The following NBAS variants were observed in gnomAD, a reference collection of about 807,000 sequenced individuals.
NBAS encodes the protein NAG/BC035112 fusion.
NBAS carries 219 observed loss-of-function variants against 302.5 expected under a neutral mutation model. The ratio of observed to expected loss-of-function variants is 0.72; its 90% CI spans 0.65 to 0.81. The LOEUF is 0.81. Among genes scored for constraint, NBAS ranks in the 30% least tolerant of loss-of-function variants. The probability of loss-of-function intolerance (pLI) is 0.00; values close to 1 mark genes in which losing one functional copy is unlikely to be tolerated. For synonymous variants in NBAS, 1,118 were observed against 1,021.6 expected (o/e 1.09, Z -1.80); for missense variants, 2,932 against 2,841.6 (o/e 1.03, Z -0.72).
chr2:15,507,373 T>C (rs1661911254), intron 10 of NBAS, among the ~76,000 whole-genome samples: 1 of 151,270 alleles, frequency 6.6e-6, no homozygotes, highest in Non-Finnish European at 1.5e-5. Context: ...AAAAAGTCTA[T>C]GTTCTTTCCA....
intron 26 of NBAS, among the ~76,000 whole-genome samples, chr2:15,396,836 A>C (rs1270042177): frequency 2.0e-5 from 3 of 152,234 alleles, no homozygotes; most frequent in Non-Finnish European, 1.5e-5. Flanking sequence ...GATTAAGAAG[A>C]AGCATAGCCA....
At chr2:14,893,503 C>A in the NBAS span, among the ~76,000 whole-genome samples, 2 of 152,094 alleles carry the variant, frequency 1.3e-5, no homozygotes, top group African/African-American at 4.8e-5. Flanking sequence ...CCTTTGAAGT[C>A]ACTCTTAACT....
At chr2:14,949,798 A>C in the NBAS span, among the ~76,000 whole-genome samples, 1 of 152,214 alleles carries the variant, frequency 6.6e-6, no homozygotes, top group Admixed American at 6.5e-5. Context: ...AAGTACAGAA[A>C]GGCAAATACC....
intron 10 of NBAS, among the ~76,000 whole-genome samples, chr2:15,506,834 G>A (rs565049180): frequency 6.6e-6 from 1 of 152,288 alleles, no homozygotes; most frequent in South Asian, 2.1e-4. Context: ...GCTGATTTTT[G>A]TATAAGCAAT....
chr2:15,352,155 A>C, intron 34 of NBAS, 74 bp from the exon 35 acceptor site: 1 of 1,045,922 alleles, frequency 9.6e-7, no homozygotes, highest in Non-Finnish European at 1.5e-6. Flanking sequence ...ATAGGCTTGA[A>C]ATTTAAAAAG....
At chr2:15,222,275 TG>T (rs1666979572) in intron 47 of NBAS, among the ~76,000 whole-genome samples, 1 of 152,326 alleles carries the variant, frequency 6.6e-6, no homozygotes, top group Non-Finnish European at 1.5e-5. Context: ...CAGGCACTTT[TG>T]ATGAAGGCCT....
intron 44 of NBAS, among the ~76,000 whole-genome samples, chr2:15,263,931 G>C (rs1391066430): frequency 6.6e-6 from 1 of 152,230 alleles, no homozygotes; most frequent in African/African-American, 2.4e-5. Context: ...GTAGGCACTA[G>C]CAGTGAGGAA....
Position 15,504,158 on chromosome 2 carries a change from T to G in NBAS, c.941A>C (p.Gln314Pro), listed in dbSNP as rs2148636345. Residue 314 changes from glutamine to proline, a missense_variant, in exon 11 of 52, where the codon CAG becomes CCG. Gln to Pro is a moderately conservative substitution (Grantham distance 76). Coordinates refer to ENST00000281513, the MANE Select transcript of NBAS (RefSeq NM_015909.4). ...RMLSVKFYSR[Q>P]GQEQDGIFKM... ...AATTTGTGTTACCTGTTCTTGTCCC[T>G]GGCGACTGTAAAACTTGACACTTAA... 1 of 1,613,450 alleles carries G rather than the reference T, an allele frequency of 6.2e-7. No individual in the cohort carries two copies. Among genetic ancestry groups the G allele is most frequent in the Non-Finnish European group, 8.5e-7 (1 of 1,179,412 alleles).
chr2:15,054,518 A>C, the NBAS span, among the ~76,000 whole-genome samples: 5 of 152,210 alleles, frequency 3.3e-5, no homozygotes, highest in Non-Finnish European at 5.9e-5. Context: ...GACTCTGGGC[A>C]CCTAAATAAC....
chr2:15,292,198 C>T (rs1670334852), intron 41 of NBAS, among the ~76,000 whole-genome samples: 1 of 152,194 alleles, frequency 6.6e-6, no homozygotes, highest in Non-Finnish European at 1.5e-5. Context: ...TGGTCTCAAA[C>T]TCCTGGCCTT....
the NBAS span, among the ~76,000 whole-genome samples, chr2:14,958,131 T>C: frequency 6.6e-6 from 1 of 152,238 alleles, no homozygotes. Context: ...TCAGGAACTA[T>C]ACTTTTCTCT....
the NBAS span, among the ~76,000 whole-genome samples, chr2:14,933,057 A>T: frequency 6.6e-6 from 1 of 152,240 alleles, no homozygotes; most frequent in Non-Finnish European, 1.5e-5. Flanking sequence ...TAAAGTGTGA[A>T]AGCTGCAGAA....
intron 48 of NBAS, among the ~76,000 whole-genome samples, chr2:15,215,385 G>C (rs993111141): frequency 4.6e-5 from 7 of 152,050 alleles, no homozygotes; most frequent in African/African-American, 1.7e-4. Context: ...TGATTTGTGG[G>C]GCCACTACTT....
At chr2:15,353,076 T>C (rs1162057585) in intron 34 of NBAS, among the ~76,000 whole-genome samples, 1 of 152,174 alleles carries the variant, frequency 6.6e-6, no homozygotes, top group African/African-American at 2.4e-5. Flanking sequence ...TTTAACAGTG[T>C]TTCTCCACAG....
the NBAS span, among the ~76,000 whole-genome samples, chr2:14,818,226 C>T: frequency 6.6e-6 from 1 of 152,130 alleles, no homozygotes; most frequent in Admixed American, 6.5e-5. Context: ...ATCTTTTCAC[C>T]TTCCTTCAAA....
chr2:14,840,906 G>C, the NBAS span, among the ~76,000 whole-genome samples: 7 of 151,976 alleles, frequency 4.6e-5, no homozygotes, highest in African/African-American at 1.7e-4. Context: ...ATTGTAATAT[G>C]CAATCCATTC....
chr2:14,822,474 C>T, the NBAS span, among the ~76,000 whole-genome samples: 20 of 152,302 alleles, frequency 1.3e-4, no homozygotes, highest in African/African-American at 4.8e-4. Context: ...GAATTTCACC[C>T]TAGAAAGCTT....
the NBAS span, among the ~76,000 whole-genome samples, chr2:14,852,434 A>G: frequency 1.1e-5 from 1 of 95,108 alleles, no homozygotes; most frequent in Non-Finnish European, 2.0e-5. Flanking sequence ...ATAAAAGAGG[A>G]TACAAACAAA....
At chr2:15,121,730 A>AT in the NBAS span, among the ~76,000 whole-genome samples, 33 of 142,000 alleles carry the variant, frequency 2.3e-4, no homozygotes, top group East Asian at 1.3e-3. Flanking sequence ...TACAAAAAAA[A>AT]TTTTTTTTTT....
Sources: allele counts gnomAD v4.1 joint callset (sites outside exome capture counted in the v4.1 genomes callset), GRCh38; gene constraint gnomAD v4.1.1; transcripts MANE v1.5; gene names NCBI Gene and HGNC (gene_info 2026-07-23, HGNC 2026-07-21).